The following TRMT112 variants were observed in gnomAD, a reference collection of about 807,000 sequenced individuals.
The protein encoded by TRMT112 is multifunctional methyltransferase subunit TRM112-like protein.
Under a neutral mutation model 13.8 loss-of-function variants are expected in TRMT112, and 9 were observed. The ratio of observed to expected loss-of-function variants is 0.65; its 90% CI spans 0.39 to 1.14. TRMT112 has a LOEUF of 1.14. Ranked by LOEUF, TRMT112 falls within the 50% of genes most tolerant of loss-of-function variation. The pLI, the probability that TRMT112 is intolerant of heterozygous loss-of-function variation, is 0.01. For synonymous variants in TRMT112, 64 were observed against 67.0 expected (o/e 0.96, Z 0.22); for missense variants, 196 against 165.5 (o/e 1.18, Z -1.01).
Position 64,316,690 on chromosome 11 carries a change from C to T in TRMT112, c.*171G>A, listed in dbSNP as rs1357289462. 1.6e-6 allele frequency: 1 copy of T among 612,406 alleles called. No homozygotes were observed. The highest frequency in any genetic ancestry group is 3.0e-6 in the Non-Finnish European group (1 of 337,860). 37.9% of individuals were successfully genotyped at this position (612,406 alleles called of 1,614,324 possible). A position where few individuals can be genotyped will look rare whatever the true frequency, so the allele number is the denominator to read the frequency against. On this transcript the variant is annotated 3_prime_UTR_variant, in exon 4 of 4. Coordinates refer to ENST00000544844, the MANE Select transcript of TRMT112 (RefSeq NM_016404.3). ...GTATATTTGCTGCAAAGAGAAACCG[C>T]TTTTGGTTTTAAACCTTTAATGAGA...
rs1191182829 is a variant in TRMT112, at chr11:64,317,472, G to C, written c.55C>G (p.Arg19Gly). The C allele has an allele frequency of 1.2e-6, 2 of 1,609,016 alleles. No homozygotes were observed. Among genetic ancestry groups the C allele is most frequent in the South Asian group, 1.1e-5 (1 of 90,596 alleles). ...LSSHVRGVGSRGFPLRLQATE... is the reference protein window; with the variant it reads ...LSSHVRGVGSGGFPLRLQATE... ...ACCTGGAGGCGCAGGGGGAAGCCAC[G>C]GGACCCCACCCCCCGCACATGCGAG... Residue 19 changes from arginine to glycine, a missense_variant, in exon 1 of 4, where the codon CGT becomes GGT. Transcript: ENST00000544844.
upstream of TRMT112, chr11:64,318,067 T>C (rs2035355523): frequency 6.9e-7 from 1 of 1,442,810 alleles, no homozygotes; most frequent in Non-Finnish European, 9.0e-7. Flanking sequence ...TCCCGGAAGC[T>C]CTGTTCTGCG....
chr11:64,318,517 T>C, upstream of TRMT112: 1 of 1,224,222 alleles, frequency 8.2e-7, no homozygotes, highest in Non-Finnish European at 1.1e-6. Flanking sequence ...GCTCATCCCT[T>C]CAGAAGGCCC....
At chr11:64,318,006 C>T, upstream of TRMT112, 2 of 1,412,404 alleles carry the variant, frequency 1.4e-6, no homozygotes, top group Non-Finnish European at 1.8e-6. Flanking sequence ...AAGCTCCGCC[C>T]CATTTGTAGT....
chr11:64,318,423 T>G, upstream of TRMT112: 1 of 1,572,746 alleles, frequency 6.4e-7, no homozygotes, highest in Non-Finnish European at 8.6e-7. Flanking sequence ...CATCCCCCAC[T>G]ACCCCCATGG....
chr11:64,317,968 A>G (rs902465942), upstream of TRMT112: 49 of 1,394,606 alleles, frequency 3.5e-5, no homozygotes, highest in Non-Finnish European at 4.4e-5. Context: ...CCTCATTCCT[A>G]TATGCAAATT....
upstream of TRMT112, chr11:64,318,419 C>T: frequency 6.3e-7 from 1 of 1,579,874 alleles, no homozygotes; most frequent in Non-Finnish European, 8.6e-7. Flanking sequence ...CTGACATCCC[C>T]CACTACCCCC....
chr11:64,318,058 C>T, upstream of TRMT112: 5 of 1,437,454 alleles, frequency 3.5e-6, no homozygotes, highest in South Asian at 1.5e-5. Context: ...AGGCGTGGGT[C>T]CCGGAAGCTC....
At chr11:64,317,700 G>C, upstream of TRMT112, 1 of 791,930 alleles carries the variant, frequency 1.3e-6, no homozygotes, top group South Asian at 2.0e-5. Flanking sequence ...AAGACCTGTC[G>C]GGTCACGCGC....
chr11:64,317,988 A>G (rs1034705582), upstream of TRMT112: 8 of 1,407,830 alleles, frequency 5.7e-6, no homozygotes, highest in African/African-American at 7.4e-5. Flanking sequence ...TAGCTGCTCC[A>G]GTGCCGAAAG....
Position 64,317,254 on chromosome 11 carries a change from G to C in TRMT112, c.180+10C>G, listed in dbSNP as rs1204295602. ...CCCGGGATATGCTGGGGCGGGGTAA[G>C]GATCCTCACGTTATCGGCCGCCTCC... is the stretch of plus-strand genomic sequence containing the variant. On this transcript the variant is annotated intron_variant, in intron 2 of 3. Transcript: ENST00000544844. 1.2e-6 allele frequency: 2 copies of C among 1,609,138 alleles called. No individual in the cohort carries two copies. Among genetic ancestry groups the C allele is most frequent in the East Asian group, 2.2e-5 (1 of 44,738 alleles).
At chr11:64,318,162 C>T (rs1341846609), upstream of TRMT112, 1 of 1,604,456 alleles carries the variant, frequency 6.2e-7, no homozygotes, top group East Asian at 2.2e-5. Flanking sequence ...CGGTGCCCCG[C>T]CTGCTGCGGT....
intron 3 of TRMT112, 31 bp downstream of exon 3, chr11:64,317,027 C>A: frequency 6.2e-7 from 1 of 1,613,760 alleles, no homozygotes. Context: ...AGGCAGGTGG[C>A]CCGGGAAGCA....
chr11:64,318,487 C>G (rs1281871430), upstream of TRMT112: 4 of 1,422,616 alleles, frequency 2.8e-6, no homozygotes, highest in Non-Finnish European at 3.8e-6. Flanking sequence ...CCTGCCAGAC[C>G]CCTCCCCTCC....
In TRMT112 at chr11:64,317,136, G is replaced by A. The variant is rs773552858; in HGVS notation, c.192C>T (p.Ile64=). ...CCTCAACCGGCCCTTTCGGCACCTGGATCAGACGCAACTGTGGGCAAGAGG... is the reference window on the plus strand; with the variant it reads ...CCTCAACCGGCCCTTTCGGCACCTGAATCAGACGCAACTGTGGGCAAGAGG... ...FLEAADNLRL[I]QVPKGPVEGY... Residue 64 remains isoleucine (I), a synonymous_variant, in exon 3 of 4, where the codon ATC becomes ATT. Coordinates refer to ENST00000544844, the MANE Select transcript of TRMT112 (RefSeq NM_016404.3). The A allele has an allele frequency of 5.6e-6, 9 of 1,614,154 alleles. No individual in the cohort carries two copies. In the South Asian group the frequency reaches 7.7e-5, roughly 14 times the overall value.
upstream of TRMT112, chr11:64,318,364 C>G: frequency 6.2e-7 from 1 of 1,609,994 alleles, no homozygotes. Flanking sequence ...AGCAGAGCCG[C>G]TGCAGCCATG....
rs1383272051 is a variant in TRMT112 at position 64,317,481 on chromosome 11, C to A, written c.46G>T (p.Val16Leu). The change falls in exon 1 of 4, where the codon GTG (valine) becomes TTG (leucine). Residue 16 changes from valine to leucine, a missense_variant. Transcript: ENST00000544844. The part of the protein sequence containing the change: ...HNLLSSHVRG[V>L]GSRGFPLRLQ... ...CGCAGGGGGAAGCCACGGGACCCCA[C>A]CCCCCGCACATGCGAGCTCAGCAGA... 5 of 1,606,710 alleles carry A rather than the reference C, an allele frequency of 3.1e-6. No individual in the cohort carries two copies. The highest frequency in any genetic ancestry group is 1.1e-5 in the South Asian group (1 of 90,358).
chr11:64,318,436 A>G (rs2135273282), upstream of TRMT112: 2 of 1,554,186 alleles, frequency 1.3e-6, no homozygotes, highest in African/African-American at 1.4e-5. Flanking sequence ...CCCCATGGCA[A>G]TCCCCGTCCC....
At chr11:64,318,149 T>C (rs1391981501), upstream of TRMT112, 2 of 1,596,184 alleles carry the variant, frequency 1.3e-6, no homozygotes, top group African/African-American at 2.7e-5. Context: ...GCTGTGCCGC[T>C]AGCGGTGCCC....
Sources: gnomAD v4.1 joint callset for allele counts on GRCh38, gnomAD v4.1.1 for gene constraint, MANE v1.5 for transcripts, NCBI Gene and HGNC (gene_info 2026-07-23, HGNC 2026-07-21) for gene names.